RBPJ: variants seen among roughly 807,000 people sequenced by gnomAD.
The protein encoded by RBPJ is recombination signal binding protein for immunoglobulin kappa J region, also known as recombining binding protein suppressor of hairless.
In RBPJ, 9 loss-of-function variants were observed where a neutral mutation model predicts 67.8. The ratio of observed to expected loss-of-function variants is 0.13; its 90% CI spans 0.08 to 0.23. The LOEUF (loss-of-function observed/expected upper bound fraction) is 0.23, where lower values mean the gene tolerates loss of function less well. RBPJ is among the 10% of genes least tolerant of loss of function. The pLI is 1.00. For synonymous variants in RBPJ, 198 were observed against 203.3 expected, an observed-to-expected ratio of 0.97 and a Z score of 0.22; for missense variants, 305 against 595.6, an observed-to-expected ratio of 0.51 and a Z score of 5.08.
At position 26,424,391 on chromosome 4, in the gene RBPJ, C is replaced by T. The variant is rs1413160424; in HGVS notation, c.546C>T (p.Ser182=). The T allele has an allele frequency of 1.9e-6, 3 of 1,613,884 alleles. No homozygotes were observed. In the African/African-American group the frequency reaches 4.0e-5, roughly 22 times the overall value. The change falls in exon 6 of 11, where the codon TCC becomes TCT. Residue 182 remains serine (S), a synonymous_variant. Transcript: ENST00000355476. This position sits in a 1 kb window ranked among gnomAD's most constrained non-coding sequence, Gnocchi z 5.3. Reference sequence around the variant, plus strand: ...TGGCTCTGTTTAATCGACTACGATCCCAGACAGTTAGTACCAGATACTTGC... The same window carrying T: ...TGGCTCTGTTTAATCGACTACGATCTCAGACAGTTAGTACCAGATACTTGC... ...TKVALFNRLR[S]QTVSTRYLHV... is the part of the protein sequence containing the mutation.
At chr4:26,411,735 G>A (rs1401600059) in intron 3 of RBPJ, among the ~76,000 whole-genome samples, 1 of 151,992 alleles carries the variant, frequency 6.6e-6, no homozygotes, top group Non-Finnish European at 1.5e-5. Flanking sequence ...TTTTGTCACA[G>A]TACTTTTGAG....
intron 1 of RBPJ, among the ~76,000 whole-genome samples, chr4:26,335,415 C>A (rs1423398139): frequency 1.3e-5 from 2 of 151,522 alleles, no homozygotes; most frequent in Non-Finnish European, 2.9e-5. Flanking sequence ...CTCCTGACCT[C>A]GTGATCCACC....
intron 1 of RBPJ, among the ~76,000 whole-genome samples, chr4:26,331,167 C>G (rs1483763683): frequency 6.6e-6 from 1 of 152,166 alleles, no homozygotes; most frequent in East Asian, 1.9e-4. Context: ...GTGGTGCTGT[C>G]ATGGCTCACT....
Position 26,336,931 on chromosome 4 carries a change from G to T in RBPJ, c.20+15883G>T, listed in dbSNP as rs548217302. 3.7e-4 allele frequency among the ~76,000 whole-genome samples: 57 copies of T among 152,148 alleles called. No individual in the cohort carries two copies. The South Asian group carries it at 7.5e-3, about 20-fold the overall frequency. ...AAAAAAGCCTAAATGGTAGCGTAGT[G>T]CTTCCTTGCTTCTGCCCCTGATGGT... is the stretch of plus-strand genomic sequence containing the variant. On this transcript the variant is annotated intron_variant, in intron 1 of 10. Coordinates refer to ENST00000355476, the MANE Select transcript of RBPJ (RefSeq NM_015874.6).
chr4:26,303,016 A>T (rs1560252568), intron 1 of RBPJ, among the ~76,000 whole-genome samples: 1 of 151,868 alleles, frequency 6.6e-6, no homozygotes, highest in Admixed American at 6.6e-5. Context: ...CCCCGTCTCT[A>T]CTAACAATAC....
At chr4:26,257,594 A>T (rs1720383886) in intron 1 of RBPJ, among the ~76,000 whole-genome samples, 1 of 152,146 alleles carries the variant, frequency 6.6e-6, no homozygotes, top group South Asian at 2.1e-4. Flanking sequence ...GTGCCATAGC[A>T]CTCCAGCCTG....
chr4:26,241,847 C>G (rs375718110), intron 1 of RBPJ, among the ~76,000 whole-genome samples: 359 of 152,102 alleles, frequency 2.4e-3, no homozygotes, highest in African/African-American at 8.3e-3. Flanking sequence ...TCATTAAACT[C>G]CTCTTAAGGG....
chr4:26,272,726 T>C (rs1315267151), intron 1 of RBPJ: 31 of 453,656 alleles, frequency 6.8e-5, no homozygotes, highest in Non-Finnish European at 1.1e-4. Context: ...CTTTTCTCTG[T>C]CCTTGGGGTG....
At chr4:26,207,124 G>C (rs932105127) in intron 1 of RBPJ, among the ~76,000 whole-genome samples, 4 of 152,074 alleles carry the variant, frequency 2.6e-5, no homozygotes, top group African/African-American at 2.4e-5. Flanking sequence ...TAAGGCACAG[G>C]GTTTTGTGGT....
chr4:26,210,965 A>G (rs1718401880), intron 1 of RBPJ, among the ~76,000 whole-genome samples: 2 of 151,940 alleles, frequency 1.3e-5, no homozygotes, highest in Non-Finnish European at 1.5e-5. Flanking sequence ...TAAGTAGTCC[A>G]TAAGCTTCTT....
At chr4:26,249,673 A>T (rs1049689376) in intron 1 of RBPJ, among the ~76,000 whole-genome samples, 2 of 152,142 alleles carry the variant, frequency 1.3e-5, no homozygotes, top group African/African-American at 4.8e-5. Flanking sequence ...ACACACAAAA[A>T]GTAATGGCAA....
At chr4:26,272,665 A>C (rs1245830429) in intron 1 of RBPJ, 1 of 451,198 alleles carries the variant, frequency 2.2e-6, no homozygotes, top group Non-Finnish European at 4.5e-6. Flanking sequence ...ATTTTTTCCA[A>C]AGTGATTCAT....
At chr4:26,210,708 C>T (rs28477859) in intron 1 of RBPJ, among the ~76,000 whole-genome samples, 1,847 of 41,982 alleles carry the variant, frequency 0.044, 138 homozygotes, top group East Asian at 0.15. Context: ...TCTTTCTTTC[C>T]TTCTTTCCTT....
intron 1 of RBPJ, among the ~76,000 whole-genome samples, chr4:26,195,605 T>G (rs569300746): frequency 7.9e-5 from 12 of 152,282 alleles, no homozygotes; most frequent in Admixed American, 3.3e-4. Context: ...TTTTGGTTTT[T>G]GTTTTTTGAG....
At chr4:26,308,928 C>G (rs1722335976) in intron 1 of RBPJ, among the ~76,000 whole-genome samples, 2 of 152,106 alleles carry the variant, frequency 1.3e-5, no homozygotes, top group Non-Finnish European at 2.9e-5. Context: ...CTATTGATTT[C>G]CTGTGTAACC....
chr4:26,312,663 T>A (rs973182617), intron 1 of RBPJ, among the ~76,000 whole-genome samples: 18 of 152,088 alleles, frequency 1.2e-4, no homozygotes, highest in African/African-American at 3.9e-4. Flanking sequence ...AAGAGTTAGG[T>A]CTTCCTTCAT....
At chr4:26,312,912 G>A (rs552773972) in intron 1 of RBPJ, among the ~76,000 whole-genome samples, 8 of 152,218 alleles carry the variant, frequency 5.3e-5, no homozygotes, top group African/African-American at 1.4e-4. Flanking sequence ...GGTCACATAC[G>A]TAACTTTTTC....
At chr4:26,305,110 T>C (rs1222677695) in intron 1 of RBPJ, among the ~76,000 whole-genome samples, 1 of 152,212 alleles carries the variant, frequency 6.6e-6, no homozygotes, top group Non-Finnish European at 1.5e-5. Flanking sequence ...CTTTTCCCAC[T>C]GAATTCTTTT....
chr4:26,199,708 A>C (rs1308063634), intron 1 of RBPJ, among the ~76,000 whole-genome samples: 1 of 152,172 alleles, frequency 6.6e-6, no homozygotes, highest in Non-Finnish European at 1.5e-5. Flanking sequence ...TGCCCCTTTC[A>C]AAAACCTGGC....
Sources: gnomAD v4.1 joint callset for allele counts (sites outside exome capture counted in the v4.1 genomes callset) on GRCh38, gnomAD v4.1.1 for gene constraint, Gnocchi (gnomAD v3.1) non-coding constraint, MANE v1.5 for transcripts, NCBI Gene and HGNC (gene_info 2026-07-23, HGNC 2026-07-21) for gene names.